Variants in CEP15 observed in about 807,000 individuals in gnomAD.
The protein encoded by CEP15 is centrosomal protein 15.
chr3:62,330,220 T>C, the CEP15 span, among the ~76,000 whole-genome samples: 25 of 152,260 alleles, frequency 1.6e-4, no homozygotes, highest in Admixed American at 1.6e-3. Context: ...CTGTTCAGCA[T>C]TGGCTCCTTC....
At chr3:62,322,653 G>A in the CEP15 span, 1 of 152,174 alleles carries the variant, frequency 6.6e-6, no homozygotes, top group African/African-American at 2.4e-5. This position sits in a 1 kb window ranked among gnomAD's most constrained non-coding sequence, Gnocchi z 5.5. Flanking sequence ...GTTATACTTT[G>A]CTTCCAGAAT....
chr3:62,332,780 T>G, the CEP15 span, among the ~76,000 whole-genome samples: 2 of 151,316 alleles, frequency 1.3e-5, no homozygotes, highest in African/African-American at 4.8e-5. Context: ...ACTAGTTGTA[T>G]TTCAGTTCCT....
At chr3:62,332,734 A>T in the CEP15 span, among the ~76,000 whole-genome samples, 16 of 152,070 alleles carry the variant, frequency 1.1e-4, no homozygotes, top group Non-Finnish European at 2.1e-4. Context: ...CTACACAATT[A>T]AGGGTCCAAT....
the CEP15 span, chr3:62,333,298 A>G: frequency 1.2e-6 from 2 of 1,611,606 alleles, no homozygotes; most frequent in Non-Finnish European, 1.7e-6. The surrounding 1 kb of genome is among the most constrained non-coding windows in gnomAD (Gnocchi z 4.0). Flanking sequence ...CCCAAATGGG[A>G]ACAGTTTCTT....
chr3:62,332,566 C>T, the CEP15 span, among the ~76,000 whole-genome samples: 2 of 152,068 alleles, frequency 1.3e-5, no homozygotes, highest in Non-Finnish European at 2.9e-5. Context: ...AGACACAACA[C>T]AGCAATGTTT....
At chr3:62,330,935 T>A in the CEP15 span, among the ~76,000 whole-genome samples, 5 of 152,248 alleles carry the variant, frequency 3.3e-5, no homozygotes, top group South Asian at 2.1e-4. Flanking sequence ...TCTGAGTATC[T>A]GACTATTTTT....
the CEP15 span, among the ~76,000 whole-genome samples, chr3:62,329,832 C>A: frequency 6.6e-6 from 1 of 152,248 alleles, no homozygotes; most frequent in East Asian, 1.9e-4. Context: ...AGAATAATGA[C>A]CATAATTGGA....
At chr3:62,331,043 G>A in the CEP15 span, among the ~76,000 whole-genome samples, 1 of 152,018 alleles carries the variant, frequency 6.6e-6, no homozygotes, top group African/African-American at 2.4e-5. Context: ...GACACTCTTG[G>A]TGCATGAATT....
At chr3:62,326,741 A>G in the CEP15 span, among the ~76,000 whole-genome samples, 2 of 152,138 alleles carry the variant, frequency 1.3e-5, no homozygotes, top group Non-Finnish European at 2.9e-5. Context: ...AACATGGCCA[A>G]TCTTGCTTCA....
At chr3:62,324,670 T>C in the CEP15 span, among the ~76,000 whole-genome samples, 2,168 of 152,206 alleles carry the variant, frequency 0.014, 24 homozygotes, top group Middle Eastern at 0.048. Context: ...GAGGAAACCA[T>C]AGGGCAATTA....
the CEP15 span, chr3:62,321,842 A>G: frequency 2.0e-6 from 2 of 1,009,664 alleles, no homozygotes; most frequent in South Asian, 1.8e-5. The surrounding 1 kb of genome is among the most constrained non-coding windows in gnomAD (Gnocchi z 4.1). Context: ...GTGAGGTGCA[A>G]TTAAGAAATG....
the CEP15 span, among the ~76,000 whole-genome samples, chr3:62,326,126 T>G: frequency 6.6e-6 from 1 of 151,720 alleles, no homozygotes; most frequent in Non-Finnish European, 1.5e-5. Flanking sequence ...AATGAGAAAG[T>G]GCTGCAGCCG....
chr3:62,320,391 T>G, the CEP15 span: 3 of 1,117,958 alleles, frequency 2.7e-6, no homozygotes, highest in African/African-American at 4.7e-5. Flanking sequence ...GGTACTAAAA[T>G]AATCAAATGT....
the CEP15 span, chr3:62,322,497 GAATTCAT>G: frequency 6.2e-6 from 1 of 160,298 alleles, no homozygotes; most frequent in Non-Finnish European, 1.3e-5. This position sits in a 1 kb window ranked among gnomAD's most constrained non-coding sequence, Gnocchi z 5.5. Context: ...TAAACACACA[GAATTCAT>G]ATCTATGATA....
chr3:62,325,483 T>C, the CEP15 span, among the ~76,000 whole-genome samples: 1 of 152,158 alleles, frequency 6.6e-6, no homozygotes, highest in East Asian at 1.9e-4. Context: ...TGAATAGATA[T>C]GAATGTAGGT....
chr3:62,326,320 A>T, the CEP15 span, among the ~76,000 whole-genome samples: 5 of 152,202 alleles, frequency 3.3e-5, no homozygotes, highest in Non-Finnish European at 7.3e-5. Context: ...AAATGCTTAC[A>T]TTGTACCAAT....
chr3:62,333,136 G>A, the CEP15 span: 1 of 822,926 alleles, frequency 1.2e-6, no homozygotes, highest in Non-Finnish European at 1.9e-6. This position sits in a 1 kb window ranked among gnomAD's most constrained non-coding sequence, Gnocchi z 4.0. Context: ...ATATATGTGT[G>A]TGTGTGTGTG....
At chr3:62,321,872 G>T in the CEP15 span, 5 of 1,315,442 alleles carry the variant, frequency 3.8e-6, no homozygotes, top group Admixed American at 2.4e-5. This position sits in a 1 kb window ranked among gnomAD's most constrained non-coding sequence, Gnocchi z 4.1. Context: ...TATTGGTCAA[G>T]CAGTAAAATG....
At chr3:62,324,132 C>A in the CEP15 span, 5 of 152,154 alleles carry the variant, frequency 3.3e-5, no homozygotes, top group Admixed American at 2.6e-4. Context: ...TGTCTATAAT[C>A]TTTGGATTAC....
Sources: allele counts gnomAD v4.1 joint callset (sites outside exome capture counted in the v4.1 genomes callset), GRCh38; gene constraint gnomAD v4.1.1; non-coding constraint Gnocchi (gnomAD v3.1); transcripts MANE v1.5; gene names NCBI Gene and HGNC (gene_info 2026-07-23, HGNC 2026-07-21).